RPTOR: variants seen among roughly 807,000 people sequenced by gnomAD.
The protein encoded by RPTOR is regulatory associated protein of MTOR complex 1, also known as regulatory-associated protein of mTOR.
In RPTOR, 21 loss-of-function variants were observed where a neutral mutation model predicts 169.9. That is an observed-to-expected ratio of 0.12 (90% CI 0.09 to 0.18). RPTOR has a LOEUF of 0.18. Among genes scored for constraint, RPTOR ranks in the 10% least tolerant of loss-of-function variants. The pLI, the probability that RPTOR is intolerant of heterozygous loss-of-function variation, is 1.00. For missense variants in RPTOR, 1,133 were observed against 1,855.9 expected (o/e 0.61, Z 7.16); for synonymous variants, 732 against 753.2 (o/e 0.97, Z 0.46).
intron 2 of RPTOR, among the ~76,000 whole-genome samples, chr17:80,641,029 G>C (rs550089938): frequency 6.6e-6 from 1 of 152,214 alleles, no homozygotes; most frequent in Non-Finnish European, 1.5e-5. Context: ...TTTGGCATCT[G>C]TTTGTTAAAG....
At chr17:80,718,963 C>T (rs2066262037) in intron 4 of RPTOR, among the ~76,000 whole-genome samples, 3 of 152,174 alleles carry the variant, frequency 2.0e-5, no homozygotes, top group Non-Finnish European at 4.4e-5. Context: ...GCTGGTGGGG[C>T]GACCCTCAGG....
rs767098018 is a variant in RPTOR at position 80,633,694 on chromosome 17, C to T, written c.265+7901C>T. On this transcript the variant is annotated intron_variant, in intron 2 of 33. Coordinates refer to ENST00000306801, the MANE Select transcript of RPTOR (RefSeq NM_020761.3). This position sits in a 1 kb window ranked among gnomAD's most constrained non-coding sequence, Gnocchi z 4.1. Reference sequence around the variant, plus strand: ...CCCCTTTGTAGTTGATAGGTATTTTCGGGAAGAAGTGCTTTGAGATTGTGC... The same window carrying T: ...CCCCTTTGTAGTTGATAGGTATTTTTGGGAAGAAGTGCTTTGAGATTGTGC... 1.3e-5 allele frequency among the ~76,000 whole-genome samples: 2 copies of T among 152,204 alleles called. No homozygotes were observed. The highest frequency in any genetic ancestry group is 4.8e-5 in the African/African-American group (2 of 41,440).
intron 2 of RPTOR, among the ~76,000 whole-genome samples, chr17:80,638,165 C>T (rs1256601746): frequency 3.9e-5 from 6 of 152,156 alleles, no homozygotes; most frequent in African/African-American, 7.2e-5. Context: ...GCGGTAGAGA[C>T]GTCAGGGCAG....
chr17:80,954,713 T>TC (rs1598423502), intron 28 of RPTOR, among the ~76,000 whole-genome samples: 1 of 152,202 alleles, frequency 6.6e-6, no homozygotes, highest in South Asian at 2.1e-4. Flanking sequence ...GGTCAATAGT[T>TC]CAAGACCAGC....
rs964538054 is a variant in RPTOR, at chr17:80,936,424, A to G, written c.2920-4072A>G. ...GAATGTTTATAGTGACTGTATTCAT[A>G]GTCACCAAAAACTGGAAACAACCCA... On this transcript the variant is annotated intron_variant, in intron 24 of 33. Coordinates refer to ENST00000306801, the MANE Select transcript of RPTOR (RefSeq NM_020761.3). This position sits in a 1 kb window ranked among gnomAD's most constrained non-coding sequence, Gnocchi z 4.1. Among the ~76,000 whole-genome samples, 10 of 152,244 alleles carry G rather than the reference A, an allele frequency of 6.6e-5. No individual in the cohort carries two copies. Among genetic ancestry groups the G allele is most frequent in the African/African-American group, 2.4e-4 (10 of 41,464 alleles).
chr17:80,662,690 C>T (rs903479537), intron 3 of RPTOR, among the ~76,000 whole-genome samples: 2 of 152,086 alleles, frequency 1.3e-5, no homozygotes, highest in African/African-American at 2.4e-5. Context: ...CCACGACTCC[C>T]GAGCAGCAAG....
chr17:80,951,802 C>T (rs1254751535), intron 28 of RPTOR, among the ~76,000 whole-genome samples: 2 of 152,238 alleles, frequency 1.3e-5, no homozygotes, highest in Non-Finnish European at 2.9e-5. Context: ...GGCCCAGGGT[C>T]GGGCTGTGCC....
chr17:80,781,678 C>T (rs1264123963), intron 6 of RPTOR, among the ~76,000 whole-genome samples: 1 of 152,216 alleles, frequency 6.6e-6, no homozygotes, highest in African/African-American at 2.4e-5. Context: ...GGGCTTGGAT[C>T]GCCCATTTGA....
chr17:80,953,222 C>G (rs997961401), intron 28 of RPTOR, among the ~76,000 whole-genome samples: 1 of 152,150 alleles, frequency 6.6e-6, no homozygotes, highest in Non-Finnish European at 1.5e-5. Context: ...AGATTCTCAC[C>G]ACTCCAGAAG....
intron 4 of RPTOR, among the ~76,000 whole-genome samples, chr17:80,723,228 G>T (rs1473714958): frequency 2.0e-5 from 3 of 150,932 alleles, no homozygotes. Context: ...TAATTCATAA[G>T]CATTTGAAGG....
intron 21 of RPTOR, among the ~76,000 whole-genome samples, chr17:80,921,728 C>T (rs1257959452): frequency 1.3e-5 from 2 of 152,184 alleles, no homozygotes; most frequent in Non-Finnish European, 1.5e-5. Flanking sequence ...CCACAGACGG[C>T]TGGGTTGAAG....
chr17:80,585,490 C>T (rs1028722545), intron 1 of RPTOR, among the ~76,000 whole-genome samples: 40 of 151,678 alleles, frequency 2.6e-4, no homozygotes, highest in African/African-American at 7.7e-4. Context: ...AGGCGTGAGC[C>T]ACCGCGGCTG....
At chr17:80,720,076 C>T (rs932311553) in intron 4 of RPTOR, among the ~76,000 whole-genome samples, 5 of 151,930 alleles carry the variant, frequency 3.3e-5, no homozygotes, top group African/African-American at 4.8e-5. Flanking sequence ...CCGAGGCGGG[C>T]GGATCACCTG....
At chr17:80,833,965 G>A (rs1370569552) in intron 9 of RPTOR, among the ~76,000 whole-genome samples, 4 of 152,278 alleles carry the variant, frequency 2.6e-5, no homozygotes, top group Admixed American at 6.5e-5. Context: ...CTCCAGCATA[G>A]GTGACAGAGT....
In RPTOR at chr17:80,618,011, T is replaced by C. The variant is rs190895790; in HGVS notation, c.163-7680T>C. ...ACTTTTTTTTTTTAAGACGGGGTCT[T>C]GCTCTGTCACCCAGGGTGGAGTGCA... On this transcript the variant is annotated intron_variant, in intron 1 of 33. Coordinates refer to ENST00000306801, the MANE Select transcript of RPTOR (RefSeq NM_020761.3). 9.7e-3 allele frequency among the ~76,000 whole-genome samples: 1,426 copies of C among 147,200 alleles called. 90 individuals are homozygous for C. The highest frequency in any genetic ancestry group is 0.037 in the African/African-American group (1,349 of 36,758).
rs570627534 is a variant in RPTOR, at chr17:80,579,071, T to C, written c.162+33280T>C. Among the ~76,000 whole-genome samples, 21 of 152,242 alleles carry C rather than the reference T, an allele frequency of 1.4e-4. No homozygotes were observed. The East Asian group carries it at 3.5e-3, about 25-fold the overall frequency. On this transcript the variant is annotated intron_variant, in intron 1 of 33. Coordinates refer to ENST00000306801, the MANE Select transcript of RPTOR (RefSeq NM_020761.3). ...ACACAGGTACTCTGCATTGGTACTC[T>C]GCACAGGTACTCGGGGTTATTATTT...
chr17:80,785,873 G>C (rs975119707), intron 6 of RPTOR, among the ~76,000 whole-genome samples: 31 of 152,306 alleles, frequency 2.0e-4, no homozygotes, highest in Admixed American at 1.7e-3. Context: ...TTCACCACTA[G>C]AGAAGGGGGG....
rs1458960160 is a variant in RPTOR, at chr17:80,699,417, T to G, written c.349-8424T>G. Among the ~76,000 whole-genome samples, 5 of 148,208 alleles carry G rather than the reference T, an allele frequency of 3.4e-5. No homozygotes were observed. In the East Asian group the frequency reaches 1.0e-3, roughly 30 times the overall value. Reference sequence around the variant, plus strand: ...CAGTGATGGGGAGCTAGAGGTGCTATGCACAGTGCCCTGGTGCAGTGATGG... The same window carrying G: ...CAGTGATGGGGAGCTAGAGGTGCTAGGCACAGTGCCCTGGTGCAGTGATGG... On this transcript the variant is annotated intron_variant, in intron 3 of 33. Coordinates refer to ENST00000306801, the MANE Select transcript of RPTOR (RefSeq NM_020761.3).
intron 21 of RPTOR, among the ~76,000 whole-genome samples, chr17:80,910,908 G>A (rs1213276557): frequency 1.3e-5 from 2 of 149,676 alleles, no homozygotes; most frequent in Non-Finnish European, 3.0e-5. Context: ...TCAGCTCACT[G>A]CAGCCTCCGC....
Sources: allele counts gnomAD v4.1 joint callset (sites outside exome capture counted in the v4.1 genomes callset), GRCh38; gene constraint gnomAD v4.1.1; non-coding constraint Gnocchi (gnomAD v3.1); transcripts MANE v1.5; gene names NCBI Gene and HGNC (gene_info 2026-07-23, HGNC 2026-07-21).